MGAT4C: variants seen among roughly 807,000 people sequenced by gnomAD.
The protein encoded by MGAT4C is alpha-1,3-mannosyl-glycoprotein 4-beta-N-acetylglucosaminyltransferase C.
A neutral mutation model predicts 40.1 loss-of-function variants in MGAT4C; 19 were observed. The observed-to-expected ratio is 0.47, with a 90% CI of 0.33 to 0.70. MGAT4C has a LOEUF of 0.70. MGAT4C is among the 30% of genes least tolerant of loss of function. The probability of loss-of-function intolerance (pLI) is 0.02; values close to 1 mark genes in which losing one functional copy is unlikely to be tolerated. For synonymous variants in MGAT4C, 181 were observed against 187.1 expected (o/e 0.97, Z 0.27); for missense variants, 491 against 563.2 (o/e 0.87, Z 1.30).
At chr12:86,737,028 A>AG (rs1950997030) in intron 1 of MGAT4C, among the ~76,000 whole-genome samples, 1 of 151,392 alleles carries the variant, frequency 6.6e-6, no homozygotes, top group Admixed American at 6.6e-5. Flanking sequence ...AAAAAAAAAA[A>AG]AACCTGCCAA....
chr12:86,275,498 C>G (rs192603854), intron 4 of MGAT4C, among the ~76,000 whole-genome samples: 19 of 152,170 alleles, frequency 1.2e-4, no homozygotes, highest in Admixed American at 9.2e-4. Context: ...ATCCCCGGAA[C>G]CTGGGAATAT....
chr12:86,138,194 A>G (rs1331327882), intron 1 of MGAT4C, among the ~76,000 whole-genome samples: 2 of 151,670 alleles, frequency 1.3e-5, no homozygotes, highest in Non-Finnish European at 2.9e-5. Context: ...TTCCTTCTTC[A>G]TCCAACATAC....
At chr12:85,987,519 A>G (rs1028764065) in intron 3 of MGAT4C, among the ~76,000 whole-genome samples, 4 of 152,224 alleles carry the variant, frequency 2.6e-5, no homozygotes, top group Non-Finnish European at 5.9e-5. Flanking sequence ...TATTCCTAAT[A>G]TAATCACAGA....
intron 1 of MGAT4C, among the ~76,000 whole-genome samples, chr12:86,109,743 T>A (rs867443125): frequency 2.8e-4 from 43 of 152,000 alleles, no homozygotes; most frequent in Middle Eastern, 6.8e-3. Context: ...CACATTTTTT[T>A]AAAAAAAGTG....
At chr12:86,732,806 A>G (rs866990607) in intron 1 of MGAT4C, among the ~76,000 whole-genome samples, 3 of 136,368 alleles carry the variant, frequency 2.2e-5, no homozygotes, top group East Asian at 2.3e-4. Flanking sequence ...TTCAGCATTT[A>G]TGTTTTGTTT....
chr12:86,248,433 A>T (rs981412577), intron 1 of MGAT4C, among the ~76,000 whole-genome samples: 8 of 151,632 alleles, frequency 5.3e-5, no homozygotes, highest in African/African-American at 1.9e-4. Flanking sequence ...TTACCTTTCT[A>T]TATCTCCACC....
At chr12:86,125,343 A>C (rs1344926449) in intron 1 of MGAT4C, among the ~76,000 whole-genome samples, 1 of 152,182 alleles carries the variant, frequency 6.6e-6, no homozygotes. Context: ...TACATCCCAC[A>C]CAGGGAAAAA....
intron 2 of MGAT4C, among the ~76,000 whole-genome samples, chr12:86,043,926 AT>A (rs1892137467): frequency 6.6e-6 from 1 of 152,206 alleles, no homozygotes; most frequent in South Asian, 2.1e-4. Flanking sequence ...AGCGTGGGTC[AT>A]TTTGAGGTGA....
At chr12:86,332,218 C>T (rs1393933122) in intron 4 of MGAT4C, among the ~76,000 whole-genome samples, 2 of 152,076 alleles carry the variant, frequency 1.3e-5, no homozygotes, top group East Asian at 3.9e-4. Flanking sequence ...TCACGGCATG[C>T]TAAAAATACT....
intron 4 of MGAT4C, among the ~76,000 whole-genome samples, chr12:86,304,464 C>T (rs1566273707): frequency 6.6e-6 from 1 of 150,434 alleles, no homozygotes; most frequent in Non-Finnish European, 1.5e-5. Flanking sequence ...TATACTTATT[C>T]CAACTGTCAA....
intron 3 of MGAT4C, among the ~76,000 whole-genome samples, chr12:86,393,363 T>C (rs1419430237): frequency 6.6e-6 from 1 of 152,180 alleles, no homozygotes; most frequent in African/African-American, 2.4e-5. Context: ...AAATGATTTA[T>C]ACACCTGAAG....
chr12:86,821,229 C>T (rs1952699960), intron 1 of MGAT4C, among the ~76,000 whole-genome samples: 1 of 150,688 alleles, frequency 6.6e-6, no homozygotes, highest in Non-Finnish European at 1.5e-5. Flanking sequence ...GTATTCTACA[C>T]AGTGATGTAG....
At chr12:86,808,038 G>A (rs919492530) in intron 1 of MGAT4C, among the ~76,000 whole-genome samples, 2 of 151,638 alleles carry the variant, frequency 1.3e-5, no homozygotes, top group Admixed American at 6.6e-5. Flanking sequence ...TCTGATGAAC[G>A]GATAAATTCC....
intron 1 of MGAT4C, among the ~76,000 whole-genome samples, chr12:86,768,107 T>C (rs1056315382): frequency 1.3e-5 from 2 of 152,122 alleles, no homozygotes; most frequent in Non-Finnish European, 2.9e-5. Flanking sequence ...TGATTGTATA[T>C]CTAGAAAACC....
At chr12:86,231,327 T>C (rs1442564059) in intron 1 of MGAT4C, among the ~76,000 whole-genome samples, 1 of 152,208 alleles carries the variant, frequency 6.6e-6, no homozygotes, top group East Asian at 1.9e-4. Flanking sequence ...TGATTCTTTT[T>C]ATGAATTCTC....
intron 4 of MGAT4C, among the ~76,000 whole-genome samples, chr12:86,280,603 T>C (rs981665471): frequency 2.6e-5 from 4 of 151,946 alleles, no homozygotes; most frequent in African/African-American, 9.7e-5. Flanking sequence ...TTAAATTTCA[T>C]TATATAGATT....
chr12:86,051,757 A>G (rs1892914485), intron 1 of MGAT4C, among the ~76,000 whole-genome samples: 1 of 151,260 alleles, frequency 6.6e-6, no homozygotes, highest in Non-Finnish European at 1.5e-5. Context: ...TAGTATTAGT[A>G]CTATATATCT....
chr12:86,772,627 T>G (rs1053771375), intron 1 of MGAT4C, among the ~76,000 whole-genome samples: 24 of 63,600 alleles, frequency 3.8e-4, no homozygotes, highest in African/African-American at 8.5e-4. Flanking sequence ...ATAGGACTGC[T>G]ACCATGATGG....
rs903672408 is a variant in MGAT4C, at chr12:86,159,904, C to T, written c.-57+96335G>A. Among the ~76,000 whole-genome samples, 4 of 151,916 alleles carry T rather than the reference C, an allele frequency of 2.6e-5. No homozygotes were observed. In the South Asian group the frequency reaches 8.3e-4, roughly 32 times the overall value. Reference sequence around the variant, plus strand: ...TAATATCACCTTTGTCATTTCTGATCGGGCTTTACTTGGGTCTTCTCTTTC... The same window carrying T: ...TAATATCACCTTTGTCATTTCTGATTGGGCTTTACTTGGGTCTTCTCTTTC... On this transcript the variant is annotated intron_variant, in intron 1 of 4. Coordinates refer to ENST00000611864, the MANE Select transcript of MGAT4C (RefSeq NM_001351288.2).
Sources: allele counts gnomAD v4.1 joint callset (sites outside exome capture counted in the v4.1 genomes callset), GRCh38; gene constraint gnomAD v4.1.1; transcripts MANE v1.5; gene names NCBI Gene and HGNC (gene_info 2026-07-23, HGNC 2026-07-21).